Variants in PRPF39 observed in about 807,000 individuals in gnomAD.
PRPF39 encodes the protein pre-mRNA-processing factor 39.
In PRPF39, 27 loss-of-function variants were observed where a neutral mutation model predicts 82.1. That is an observed-to-expected ratio of 0.33 (90% CI 0.24 to 0.45). The LOEUF (loss-of-function observed/expected upper bound fraction) is 0.45, where lower values mean the gene tolerates loss of function less well. PRPF39 is among the 20% of genes least tolerant of loss of function. The probability of loss-of-function intolerance (pLI) is 1.00; values close to 1 mark genes in which losing one functional copy is unlikely to be tolerated. For missense variants in PRPF39, 581 were observed against 796.9 expected, an observed-to-expected ratio of 0.73 and a Z score of 3.26; for synonymous variants, 261 against 256.4, an observed-to-expected ratio of 1.02 and a Z score of -0.17.
intron 1 of PRPF39, among the ~76,000 whole-genome samples, chr14:45,087,125 T>C (rs1441667113): frequency 6.6e-6 from 1 of 152,126 alleles, no homozygotes; most frequent in Non-Finnish European, 1.5e-5. Flanking sequence ...TAAGGTGTAT[T>C]ATTTCGCTCT....
At position 45,095,260 on chromosome 14, in the gene PRPF39, T is replaced by C; in HGVS notation, c.21T>C (p.Asp7=). The change falls in exon 2 of 14, where the codon GAT becomes GAC. Residue 7 remains aspartate (D), a synonymous_variant. Coordinates refer to ENST00000355765, the MANE Select transcript of PRPF39 (RefSeq NM_017922.4). MQNSHM[D]EYRNSSNGST... is the part of the protein sequence containing the mutation. ...ACAATATGCAAAATTCTCACATGGA[T>C]GAATACAGAAATTCTAGTAATGGCA... 2 of 1,599,506 alleles carry C rather than the reference T, an allele frequency of 1.3e-6. No homozygotes were observed. The highest frequency in any genetic ancestry group is 1.7e-6 in the Non-Finnish European group (2 of 1,168,964).
In PRPF39 at chr14:45,116,008, T is replaced by C; in HGVS notation, c.*1095T>C. The C allele has an allele frequency of 1.8e-6, 1 of 550,816 alleles. No individual in the cohort carries two copies. Among genetic ancestry groups the C allele is most frequent in the Non-Finnish European group, 3.3e-6 (1 of 304,090 alleles). 34.1% of individuals were successfully genotyped at this position (550,816 alleles called of 1,614,324 possible). On this transcript the variant is annotated 3_prime_UTR_variant, in exon 14 of 14. Coordinates refer to ENST00000355765, the MANE Select transcript of PRPF39 (RefSeq NM_017922.4). ...TTTACACAGCTGTAGGAAAGTATTT[T>C]AGACCAGGGATTCATAAGGGATTTA... is the stretch of plus-strand genomic sequence containing the variant.
chr14:45,095,612 T>C, intron 2 of PRPF39, 49 bp downstream of exon 2: 1 of 1,481,160 alleles, frequency 6.8e-7, no homozygotes, highest in South Asian at 1.4e-5. Context: ...AATCAAGTCA[T>C]TAATTTATAA....
chr14:45,109,950 T>C, intron 8 of PRPF39, 144 bp from the exon 9 acceptor site: 1 of 1,542,420 alleles, frequency 6.5e-7, no homozygotes, highest in South Asian at 1.3e-5. Flanking sequence ...TCGTTGCCTC[T>C]CTTCGTCCTT....
At chr14:45,109,524 TTA>T (rs1884641651) in intron 7 of PRPF39, 90 bp from the exon 8 acceptor site, 1 of 1,007,586 alleles carries the variant, frequency 9.9e-7, no homozygotes. Context: ...TAATCATCAA[TTA>T]TATTTAAAAT....
At chr14:45,104,201 TTTAAG>T (rs1473365515) in intron 5 of PRPF39, among the ~76,000 whole-genome samples, 4 of 152,192 alleles carry the variant, frequency 2.6e-5, no homozygotes, top group African/African-American at 7.2e-5. Flanking sequence ...TTTATTTTTC[TTTAAG>T]TTGTCAGTTA....
Position 45,110,265 on chromosome 14 carries a change from A to G in PRPF39, c.1303+45A>G. ...GTTGACATTTTTGAGATTTTAAGTT[A>G]TTTCAGGAAACAGTGACAAATTGAG... On this transcript the variant is annotated intron_variant, in intron 9 of 13. Coordinates refer to ENST00000355765, the MANE Select transcript of PRPF39 (RefSeq NM_017922.4). This position sits in a 1 kb window ranked among gnomAD's most constrained non-coding sequence, Gnocchi z 4.0. The G allele has an allele frequency of 1.2e-6, 2 of 1,605,840 alleles. No individual in the cohort carries two copies. The highest frequency in any genetic ancestry group is 2.2e-5 in the East Asian group (1 of 44,754).
intron 4 of PRPF39, among the ~76,000 whole-genome samples, chr14:45,101,845 C>T (rs1397197247): frequency 8.0e-5 from 12 of 150,250 alleles, no homozygotes; most frequent in South Asian, 4.2e-4. Flanking sequence ...CGCGCTCTGT[C>T]GCCCAGTCTG....
chr14:45,110,583 A>G lies in PRPF39; in HGVS notation c.1338A>G (p.Thr446=). ...ATGAAGCCAGGAATATCTTGAAAAC[A>G]TTTGAAGAATGTGTTCTAGGATTGG... ...NINEARNILK[T]FEECVLGLAM... The change falls in exon 10 of 14, where the codon ACA becomes ACG. Residue 446 remains threonine, a synonymous_variant. Transcript: ENST00000355765. This position sits in a 1 kb window ranked among gnomAD's most constrained non-coding sequence, Gnocchi z 4.0. 6.4e-7 allele frequency: 1 copy of G among 1,566,040 alleles called. No homozygotes were observed. The highest frequency in any genetic ancestry group is 2.3e-5 in the East Asian group (1 of 42,754).
rs749945098 is a variant in PRPF39 at position 45,110,849 on chromosome 14, A to G, written c.1572+32A>G. On this transcript the variant is annotated intron_variant, in intron 10 of 13. Coordinates refer to ENST00000355765, the MANE Select transcript of PRPF39 (RefSeq NM_017922.4). This position sits in a 1 kb window ranked among gnomAD's most constrained non-coding sequence, Gnocchi z 4.0. ...ATTTGTATTTTTAAGAGTATCTTCT[A>G]TTAAAAAAACCAGTGGTCAGTGTAT... 1.5e-5 allele frequency: 22 copies of G among 1,514,958 alleles called. No homozygotes were observed. Among genetic ancestry groups the G allele is most frequent in the Non-Finnish European group, 1.9e-5 (21 of 1,123,338 alleles). The allele number at this position is 1,514,958 out of a possible 1,614,324, so 93.8% of individuals were successfully genotyped here. A position where few individuals can be genotyped will look rare whatever the true frequency, so the allele number is the denominator to read the frequency against.
chr14:45,111,374 G>A (rs1423778786), intron 10 of PRPF39, among the ~76,000 whole-genome samples: 1 of 151,382 alleles, frequency 6.6e-6, no homozygotes, highest in Non-Finnish European at 1.5e-5. Context: ...TGAGTCTGTC[G>A]CCTAAGCTGG....
chr14:45,098,885 C>T (rs1365372203), intron 4 of PRPF39, among the ~76,000 whole-genome samples: 8 of 152,100 alleles, frequency 5.3e-5, no homozygotes, highest in Admixed American at 3.3e-4. Context: ...AAGAGTGTGT[C>T]CTATAACTTC....
chr14:45,105,780 C>T (rs1884512449), intron 5 of PRPF39, among the ~76,000 whole-genome samples: 1 of 151,970 alleles, frequency 6.6e-6, no homozygotes, highest in Non-Finnish European at 1.5e-5. Flanking sequence ...CCCACCTCAG[C>T]CTCCCAAAGT....
At chr14:45,089,712 A>C (rs556213666) in intron 1 of PRPF39, among the ~76,000 whole-genome samples, 1 of 151,980 alleles carries the variant, frequency 6.6e-6, no homozygotes, top group Non-Finnish European at 1.5e-5. Context: ...GGCCCGTTTT[A>C]TTTCTTTCTT....
chr14:45,098,868 C>T (rs1302377762), intron 4 of PRPF39, among the ~76,000 whole-genome samples: 1 of 152,140 alleles, frequency 6.6e-6, no homozygotes, highest in Non-Finnish European at 1.5e-5. Flanking sequence ...TCATGTCCAA[C>T]TTTTAGAAGA....
At chr14:45,086,548 G>T (rs1883834087) in intron 1 of PRPF39, among the ~76,000 whole-genome samples, 1 of 152,128 alleles carries the variant, frequency 6.6e-6, no homozygotes, top group Non-Finnish European at 1.5e-5. Flanking sequence ...AACAGCTTTT[G>T]TCAAGGCTCA....
intron 12 of PRPF39, 106 bp from the exon 13 acceptor site, chr14:45,114,384 TTGAG>T: frequency 7.4e-7 from 1 of 1,351,778 alleles, no homozygotes; most frequent in Non-Finnish European, 1.0e-6. Context: ...TGAAAAAGTC[TTGAG>T]TGATTCAGAA....
At chr14:45,114,416 T>TA in intron 12 of PRPF39, 78 bp from the exon 13 acceptor site, 2 of 1,432,266 alleles carry the variant, frequency 1.4e-6, no homozygotes, top group South Asian at 2.9e-5. Flanking sequence ...AAAACAAATA[T>TA]ACAGATAACA....
intron 7 of PRPF39, 135 bp downstream of exon 7, chr14:45,108,657 C>T (rs1884611543): frequency 2.5e-6 from 3 of 1,198,010 alleles, no homozygotes; most frequent in Non-Finnish European, 3.3e-6. Flanking sequence ...ATGTTTGTCT[C>T]ATTTATTGTA....
Sources: allele counts gnomAD v4.1 joint callset (sites outside exome capture counted in the v4.1 genomes callset), GRCh38; gene constraint gnomAD v4.1.1; non-coding constraint Gnocchi (gnomAD v3.1); transcripts MANE v1.5; gene names NCBI Gene and HGNC (gene_info 2026-07-23, HGNC 2026-07-21).